ADAMTS19: variants seen among roughly 807,000 people sequenced by gnomAD.
ADAMTS19 encodes the protein ADAM metallopeptidase with thrombospondin type 1 motif 19, also known as A disintegrin and metalloproteinase with thrombospondin motifs 19.
ADAMTS19 carries 93 observed loss-of-function variants against 153.3 expected under a neutral mutation model. That is an observed-to-expected ratio of 0.61 (90% confidence interval 0.51 to 0.72). The LOEUF is 0.72. Ranked by LOEUF, ADAMTS19 falls within the 30% of genes least tolerant of loss-of-function variation. The pLI is 0.00. For synonymous variants in ADAMTS19, 600 were observed against 556.6 expected, an observed-to-expected ratio of 1.08 and a Z score of -1.10; for missense variants, 1,482 against 1,552.1, an observed-to-expected ratio of 0.95 and a Z score of 0.76.
At chr5:129,587,815 T>G (rs1296296190) in intron 7 of ADAMTS19, among the ~76,000 whole-genome samples, 5 of 151,982 alleles carry the variant, frequency 3.3e-5, no homozygotes, top group Non-Finnish European at 7.4e-5. Flanking sequence ...CCCCAGGTTT[T>G]TTGTTGTTGT....
intron 18 of ADAMTS19, among the ~76,000 whole-genome samples, chr5:129,686,969 C>T (rs1755121913): frequency 6.6e-6 from 1 of 152,110 alleles, no homozygotes. Flanking sequence ...CCCATCCTCT[C>T]CTGCTGATGC....
At chr5:129,468,117 C>T (rs1311987096) in intron 2 of ADAMTS19, among the ~76,000 whole-genome samples, 1 of 152,068 alleles carries the variant, frequency 6.6e-6, no homozygotes, top group Non-Finnish European at 1.5e-5. Flanking sequence ...AAGAACAAGG[C>T]TAAATATATA....
chr5:129,679,703 T>C (rs1754710093), intron 16 of ADAMTS19, 61 bp from the exon 17 acceptor site: 2 of 1,345,020 alleles, frequency 1.5e-6, no homozygotes, highest in African/African-American at 3.0e-5. Flanking sequence ...TAATTTGTAG[T>C]AGATGTTGAT....
chr5:129,494,672 G>C lies in ADAMTS19; in HGVS notation c.748-14405G>C, dbSNP rs533532485. 9.9e-5 allele frequency among the ~76,000 whole-genome samples: 15 copies of C among 152,194 alleles called. No homozygotes were observed. In the East Asian group the frequency reaches 2.9e-3, roughly 29 times the overall value. ...AGTTTAACATGTTCTTAACTGAATT[G>C]GTCTCTTCTTCCCCTGCAATCTCCA... On this transcript the variant is annotated intron_variant, in intron 2 of 22. Coordinates refer to ENST00000274487, the MANE Select transcript of ADAMTS19 (RefSeq NM_133638.6).
chr5:129,551,010 TGCACA>T (rs575816761), intron 6 of ADAMTS19, among the ~76,000 whole-genome samples: 70 of 151,810 alleles, frequency 4.6e-4, no homozygotes, highest in African/African-American at 1.7e-3. Flanking sequence ...TCATGTCCCT[TGCACA>T]GTAACCTAAG....
At chr5:129,537,727 G>A (rs1752501072) in intron 6 of ADAMTS19, among the ~76,000 whole-genome samples, 1 of 151,798 alleles carries the variant, frequency 6.6e-6, no homozygotes, top group Non-Finnish European at 1.5e-5. Context: ...ATTGAACAAT[G>A]AGAACACATG....
chr5:129,692,606 A>C (rs1481690555), intron 18 of ADAMTS19, among the ~76,000 whole-genome samples: 2 of 152,206 alleles, frequency 1.3e-5, no homozygotes, highest in Non-Finnish European at 2.9e-5. Context: ...TAGTTTCCAC[A>C]TTCAGGCAGT....
chr5:129,668,317 G>A (rs1385224205), intron 16 of ADAMTS19, among the ~76,000 whole-genome samples: 4 of 152,238 alleles, frequency 2.6e-5, no homozygotes, highest in Non-Finnish European at 1.5e-5. Context: ...ATGTGCCACA[G>A]AAGGTAATTA....
chr5:129,712,757 T>C (rs1403321722), intron 21 of ADAMTS19, among the ~76,000 whole-genome samples: 1 of 152,150 alleles, frequency 6.6e-6, no homozygotes, highest in Non-Finnish European at 1.5e-5. Flanking sequence ...TTAAGGACAA[T>C]GAGGCACATA....
chr5:129,545,129 TA>T (rs1352666885), intron 6 of ADAMTS19, among the ~76,000 whole-genome samples: 4 of 152,056 alleles, frequency 2.6e-5, no homozygotes, highest in African/African-American at 9.7e-5. Context: ...ACAGGGATTA[TA>T]AAACAAGCAT....
At chr5:129,579,283 G>A (rs1410408337) in intron 7 of ADAMTS19, among the ~76,000 whole-genome samples, 1 of 151,864 alleles carries the variant, frequency 6.6e-6, no homozygotes, top group African/African-American at 2.4e-5. Flanking sequence ...ACTTTTTGAT[G>A]GGGTTGTTTT....
chr5:129,527,883 C>A, intron 5 of ADAMTS19, 52 bp downstream of exon 5: 3 of 1,188,620 alleles, frequency 2.5e-6, no homozygotes, highest in Non-Finnish European at 2.5e-6. Context: ...AAATTTTGTT[C>A]AGAAACTTTT....
intron 6 of ADAMTS19, 22 bp from the exon 7 acceptor site, chr5:129,551,842 A>C: frequency 3.3e-6 from 5 of 1,493,638 alleles, no homozygotes; most frequent in Non-Finnish European, 4.6e-6. Flanking sequence ...TCTTTATTTC[A>C]GTTTTCTATT....
intron 3 of ADAMTS19, among the ~76,000 whole-genome samples, chr5:129,515,843 G>C (rs1419277311): frequency 6.6e-6 from 1 of 151,956 alleles, no homozygotes; most frequent in East Asian, 1.9e-4. Context: ...AGTGGAGAGA[G>C]TGGGCATCCT....
intron 21 of ADAMTS19, among the ~76,000 whole-genome samples, chr5:129,732,821 A>G (rs1453128688): frequency 2.0e-5 from 3 of 152,116 alleles, no homozygotes; most frequent in Non-Finnish European, 4.4e-5. Context: ...AAATCCTGAA[A>G]TTCATACAGA....
chr5:129,654,269 ACTTTTT>A, intron 13 of ADAMTS19, 31 bp from the exon 14 acceptor site: 1 of 1,546,020 alleles, frequency 6.5e-7, no homozygotes. Flanking sequence ...TTATGGGGTA[ACTTTTT>A]CTCATTTCTT....
At chr5:129,626,081 A>G (rs1015828902) in intron 10 of ADAMTS19, among the ~76,000 whole-genome samples, 1 of 152,110 alleles carries the variant, frequency 6.6e-6, no homozygotes, top group Admixed American at 6.6e-5. Flanking sequence ...GTCTAGTCCT[A>G]TTTTACAAAT....
At chr5:129,693,749 A>G (rs1194549842) in intron 18 of ADAMTS19, among the ~76,000 whole-genome samples, 1 of 152,172 alleles carries the variant, frequency 6.6e-6, no homozygotes, top group Admixed American at 6.5e-5. Context: ...CAGCATATAA[A>G]TTGTCATGTT....
chr5:129,707,906 G>GAGAATCAAA, intron 21 of ADAMTS19, among the ~76,000 whole-genome samples: 1 of 152,140 alleles, frequency 6.6e-6, no homozygotes, highest in African/African-American at 2.4e-5. Context: ...GAGTCCCTGG[G>GAGAATCAAA]AGAATCAAAA....
Sources: allele counts gnomAD v4.1 joint callset (sites outside exome capture counted in the v4.1 genomes callset), GRCh38; gene constraint gnomAD v4.1.1; transcripts MANE v1.5; gene names NCBI Gene and HGNC (gene_info 2026-07-23, HGNC 2026-07-21).